Variants in DNAAF9 observed in about 807,000 individuals in gnomAD.
DNAAF9 encodes the protein dynein axonemal assembly factor 9.
A neutral mutation model predicts 167.0 loss-of-function variants in DNAAF9; 90 were observed. That is an observed-to-expected ratio of 0.54 (90% confidence interval 0.45 to 0.64). The LOEUF (loss-of-function observed/expected upper bound fraction) is 0.64, where lower values mean the gene tolerates loss of function less well. Ranked by LOEUF, DNAAF9 falls within the 30% of genes least tolerant of loss-of-function variation. The probability of loss-of-function intolerance (pLI) is 0.00; values close to 1 mark genes in which losing one functional copy is unlikely to be tolerated. For synonymous variants in DNAAF9, 491 were observed against 508.8 expected (o/e 0.96, Z 0.47); for missense variants, 1,315 against 1,442.2 (o/e 0.91, Z 1.43).
chr20:3,302,247 AT>A (rs76102286), intron 21 of DNAAF9, among the ~76,000 whole-genome samples: 1 of 152,180 alleles, frequency 6.6e-6, no homozygotes. Context: ...CCATAAAAAA[AT>A]TTTTTTATTT....
intron 1 of DNAAF9, among the ~76,000 whole-genome samples, chr20:3,393,256 C>A (rs1226785163): frequency 3.9e-5 from 6 of 152,138 alleles, no homozygotes; most frequent in African/African-American, 1.4e-4. Flanking sequence ...TAGCTCACTG[C>A]AACCTCCGCC....
intron 27 of DNAAF9, among the ~76,000 whole-genome samples, chr20:3,282,526 C>T (rs553376056): frequency 6.6e-6 from 1 of 152,296 alleles, no homozygotes; most frequent in Non-Finnish European, 1.5e-5. Context: ...GAGAGATATG[C>T]TAAACCCAGA....
chr20:3,336,266 T>TG (rs1568612407), intron 10 of DNAAF9, among the ~76,000 whole-genome samples: 2,291 of 149,440 alleles, frequency 0.015, 74 homozygotes, highest in African/African-American at 0.054. Context: ...TTGTTTTTTT[T>TG]TTTTTTTTTG....
chr20:3,402,663 G>C (rs1048160096), intron 1 of DNAAF9, among the ~76,000 whole-genome samples: 4 of 151,458 alleles, frequency 2.6e-5, no homozygotes, highest in Non-Finnish European at 4.4e-5. Context: ...CTGTAGCCTT[G>C]ACCTCCTTGG....
intron 22 of DNAAF9, among the ~76,000 whole-genome samples, chr20:3,297,573 T>A (rs1436506235): frequency 1.3e-5 from 2 of 152,060 alleles, no homozygotes; most frequent in African/African-American, 4.8e-5. Flanking sequence ...TCTAAGTGGG[T>A]CGTTTCATTC....
chr20:3,297,035 A>AC, intron 22 of DNAAF9, 86 bp from the exon 23 acceptor site: 1 of 762,820 alleles, frequency 1.3e-6, no homozygotes, highest in African/African-American at 1.7e-5. Context: ...GGTTGTTGAA[A>AC]ATCTAGACTG....
Position 3,253,015 on chromosome 20 carries a change from G to A in DNAAF9, c.3422-331C>T, listed in dbSNP as rs7271667. 3.9e-3 allele frequency among the ~76,000 whole-genome samples: 598 copies of A among 152,324 alleles called. 1 individual carries two copies. The highest frequency in any genetic ancestry group is 0.013 in the African/African-American group (534 of 41,570). Reference sequence around the variant, plus strand: ...TGACGACAGACTTCAGGATATCACCGCAGCTGCATCCAAACTATAACTCAC... The same window carrying A: ...TGACGACAGACTTCAGGATATCACCACAGCTGCATCCAAACTATAACTCAC... On this transcript the variant is annotated intron_variant, in intron 36 of 36. Coordinates refer to ENST00000252032, the MANE Select transcript of DNAAF9 (RefSeq NM_001009984.3).
Position 3,316,765 on chromosome 20 carries a change from G to A in DNAAF9, c.1497C>T (p.Ser499=), listed in dbSNP as rs762604982. 43 of 1,613,562 alleles carry A rather than the reference G, an allele frequency of 2.7e-5. No individual in the cohort carries two copies. Among genetic ancestry groups the A allele is most frequent in the Middle Eastern group, 1.6e-4 (1 of 6,084 alleles). Residue 499 remains serine, a synonymous_variant, in exon 18 of 37, where the codon TCC becomes TCT. Coordinates refer to ENST00000252032, the MANE Select transcript of DNAAF9 (RefSeq NM_001009984.3). ...KDGTVTTETS[S]VVLTAAVPRF... ...TGGGTACAGCAGCAGTCAGGACTAC[G>A]GAGCTGGTTTCTGTGGTAACAGTGC...
At chr20:3,393,192 T>TTATC (rs2083850095) in intron 1 of DNAAF9, among the ~76,000 whole-genome samples, 1 of 152,148 alleles carries the variant, frequency 6.6e-6, no homozygotes, top group African/African-American at 2.4e-5. Context: ...ATTTATTTAT[T>TTATC]TTTGAGACAG....
At chr20:3,374,202 T>C (rs1013473189) in intron 5 of DNAAF9, 48 bp from the exon 6 acceptor site, 12 of 1,334,784 alleles carry the variant, frequency 9.0e-6, no homozygotes, top group African/African-American at 5.8e-5. Flanking sequence ...ATCCTGAATA[T>C]AACAGTCTAA....
intron 30 of DNAAF9, among the ~76,000 whole-genome samples, chr20:3,266,855 CTT>C (rs556863917): frequency 1.1e-4 from 15 of 136,112 alleles, no homozygotes; most frequent in Non-Finnish European, 1.4e-4. Context: ...CCCCTTCCAC[CTT>C]TTTTTTTTTT....
intron 15 of DNAAF9, 53 bp downstream of exon 15, chr20:3,322,595 CTCTT>C: frequency 7.6e-7 from 1 of 1,316,470 alleles, no homozygotes. Flanking sequence ...AGCCTCCCCT[CTCTT>C]TATCTTCCTA....
intron 35 of DNAAF9, among the ~76,000 whole-genome samples, chr20:3,254,689 G>C (rs932648592): frequency 2.6e-5 from 4 of 152,186 alleles, no homozygotes; most frequent in Non-Finnish European, 4.4e-5. Flanking sequence ...TGGGGACCTA[G>C]ACTCTGTGTC....
chr20:3,370,798 G>A (rs987062593), intron 6 of DNAAF9, among the ~76,000 whole-genome samples: 4 of 152,130 alleles, frequency 2.6e-5, no homozygotes, highest in African/African-American at 9.7e-5. Flanking sequence ...GCCTCCCAAA[G>A]TGCTAGGCTT....
chr20:3,265,122 C>T lies in DNAAF9; in HGVS notation c.2787-598G>A, dbSNP rs117293869. 1.1e-4 allele frequency among the ~76,000 whole-genome samples: 17 copies of T among 152,228 alleles called. 1 individual carries two copies. The East Asian group carries it at 3.3e-3, about 29-fold the overall frequency. ...CTTGTTAGAAATGCAGAACCTCAGC[C>T]CCCAGCCCAGATGTACTGAACCAGA... is the stretch of plus-strand genomic sequence containing the variant. On this transcript the variant is annotated intron_variant, in intron 30 of 36. Transcript: ENST00000252032.
Position 3,348,607 on chromosome 20 carries a change from T to C in DNAAF9, c.707A>G (p.Glu236Gly), listed in dbSNP as rs1364221418. 7.5e-6 allele frequency: 12 copies of C among 1,599,146 alleles called. No individual in the cohort carries two copies. The highest frequency in any genetic ancestry group is 9.4e-6 in the Non-Finnish European group (11 of 1,171,812). ...AGCGAAGAAGCTAGTCCACTGATGT[T>C]CAAAAGCCACCAAATCCTGGGAAAA... The part of the protein sequence containing the change: ...SLLSDDLVAF[E>G]HQWTSFFANF... Residue 236 changes from glutamate to glycine, a missense_variant, in exon 8 of 37, where the codon GAA becomes GGA. By Grantham distance (98) the Glu-to-Gly change is moderately conservative. This residue lies in a region of DNAAF9 where 981 missense variants were observed against 1,012.5 expected (regional missense o/e 0.97). Coordinates refer to ENST00000252032, the MANE Select transcript of DNAAF9 (RefSeq NM_001009984.3).
At chr20:3,302,202 G>A (rs1294370858) in intron 21 of DNAAF9, among the ~76,000 whole-genome samples, 1 of 151,940 alleles carries the variant, frequency 6.6e-6, no homozygotes, top group Non-Finnish European at 1.5e-5. Context: ...GTCTCCCAAG[G>A]TGCTGGGATT....
chr20:3,287,715 A>C lies in DNAAF9; in HGVS notation c.2403T>G (p.Ser801Arg), dbSNP rs2068877266. ...HAAHFQRYLS[S>R]ALEAQQNRSA... Reference sequence around the variant, plus strand: ...AGCGGTTCTGCTGGGCCTCTAGGGCACTGGAAAGGTATCTCTGGAAGTGTG... The same window carrying C: ...AGCGGTTCTGCTGGGCCTCTAGGGCCCTGGAAAGGTATCTCTGGAAGTGTG... Residue 801 changes from serine (S) to arginine (R), a missense_variant, in exon 27 of 37, where the codon AGT (serine) becomes AGG (arginine). By Grantham distance (110) the Ser-to-Arg change is moderately radical. This residue lies in a region of DNAAF9 where 981 missense variants were observed against 1,012.5 expected (regional missense o/e 0.97). Transcript: ENST00000252032. The C allele has an allele frequency of 6.2e-7, 1 of 1,614,236 alleles. No homozygotes were observed.
Position 3,290,106 on chromosome 20 carries a change from G to C in DNAAF9, c.2327+23C>G, listed in dbSNP as rs187593693. On this transcript the variant is annotated intron_variant, in intron 26 of 36. Transcript: ENST00000252032. ...CCAAGTTAGAATCCCTTTCCCCAAA[G>C]CAAAGGCATCAGCCATACTAACCTG... The C allele has an allele frequency of 1.4e-5, 21 of 1,503,914 alleles. No homozygotes were observed. In the African/African-American group the frequency reaches 2.9e-4, roughly 21 times the overall value. The allele number at this position is 1,503,914 out of a possible 1,614,324, so 93.2% of individuals were successfully genotyped here. A position where few individuals can be genotyped will look rare whatever the true frequency, so the allele number is the denominator to read the frequency against.
Sources: gnomAD v4.1 joint callset for allele counts (sites outside exome capture counted in the v4.1 genomes callset) on GRCh38, gnomAD v4.1.1 for gene constraint, gnomAD v4.1.1 regional missense constraint, MANE v1.5 for transcripts, NCBI Gene and HGNC (gene_info 2026-07-23, HGNC 2026-07-21) for gene names.